Variants in ADGRF5 observed in about 807,000 individuals in gnomAD.
ADGRF5 encodes the protein adhesion G protein-coupled receptor F5.
A neutral mutation model predicts 132.3 loss-of-function variants in ADGRF5; 75 were observed. That is an observed-to-expected ratio of 0.57 (90% CI 0.47 to 0.69). The LOEUF (loss-of-function observed/expected upper bound fraction) is 0.69, where lower values mean the gene tolerates loss of function less well. Ranked by LOEUF, ADGRF5 falls within the 30% of genes least tolerant of loss-of-function variation. ADGRF5 has a pLI of 0.00. For synonymous variants in ADGRF5, 629 were observed against 597.6 expected, an observed-to-expected ratio of 1.05 and a Z score of -0.77; for missense variants, 1,516 against 1,630.6, an observed-to-expected ratio of 0.93 and a Z score of 1.21.
At chr6:46,936,846 G>T (rs1438015400) in intron 1 of ADGRF5, among the ~76,000 whole-genome samples, 2 of 152,152 alleles carry the variant, frequency 1.3e-5, no homozygotes, top group East Asian at 3.9e-4. Context: ...GGAGAGCTAG[G>T]CATTTTCTCC....
Position 46,853,358 on chromosome 6 carries a change from C to A in ADGRF5, c.*634G>T, listed in dbSNP as rs1768688673. The A allele has an allele frequency of 6.6e-6, 1 of 152,110 alleles. No homozygotes were observed. The allele number at this position is 152,110 out of a possible 1,614,324, so 9.4% of individuals were successfully genotyped here. A position where few individuals can be genotyped will look rare whatever the true frequency, so the allele number is the denominator to read the frequency against. ...TAGCTAAGAAGACATCAGGAAGATACTGCCCAAAGTATTCATTCCCCATGA... is the reference window on the plus strand; with the variant it reads ...TAGCTAAGAAGACATCAGGAAGATAATGCCCAAAGTATTCATTCCCCATGA... On this transcript the variant is annotated 3_prime_UTR_variant, in exon 21 of 21. Coordinates refer to ENST00000283296, the MANE Select transcript of ADGRF5 (RefSeq NM_001098518.2).
At chr6:46,908,506 C>T (rs1328957) in intron 1 of ADGRF5, among the ~76,000 whole-genome samples, 32,624 of 151,996 alleles carry the variant, frequency 0.21, 4,259 homozygotes, top group African/African-American at 0.37. Context: ...AGGAAGAACT[C>T]ACATACTAGA....
At chr6:46,899,582 A>G (rs1015117591) in intron 3 of ADGRF5, among the ~76,000 whole-genome samples, 6 of 152,088 alleles carry the variant, frequency 3.9e-5, no homozygotes, top group African/African-American at 1.4e-4. Flanking sequence ...GGAAAATTGG[A>G]GTGGGAAACA....
intron 1 of ADGRF5, among the ~76,000 whole-genome samples, chr6:46,942,619 G>A (rs1235200262): frequency 6.6e-6 from 1 of 152,206 alleles, no homozygotes; most frequent in Non-Finnish European, 1.5e-5. Flanking sequence ...CTCCATGCTA[G>A]GAAGAAAATG....
intron 1 of ADGRF5, among the ~76,000 whole-genome samples, chr6:46,907,148 T>C (rs536119817): frequency 6.6e-6 from 1 of 152,318 alleles, no homozygotes. Flanking sequence ...TATCATAGAG[T>C]ATCTTTCCAC....
chr6:46,905,083 A>AGGCAT (rs750609884), intron 2 of ADGRF5, among the ~76,000 whole-genome samples: 5 of 152,180 alleles, frequency 3.3e-5, no homozygotes, highest in Non-Finnish European at 7.4e-5. Context: ...CATAGAGAGA[A>AGGCAT]GGCATTGCTG....
At chr6:46,862,541 T>C in intron 15 of ADGRF5, among the ~76,000 whole-genome samples, 1 of 151,910 alleles carries the variant, frequency 6.6e-6, no homozygotes, top group East Asian at 1.9e-4. Flanking sequence ...TTATAGCAAT[T>C]TTCTTGGTAT....
At chr6:46,854,577 C>T (rs1215665074) in intron 20 of ADGRF5, 3 of 460,200 alleles carry the variant, frequency 6.5e-6, no homozygotes, top group Non-Finnish European at 1.3e-5. Context: ...GTCAACAGAA[C>T]TGCTGAGAAT....
chr6:46,953,649 GTGTATATATATATATATATA>G (rs1439388460), intron 1 of ADGRF5, among the ~76,000 whole-genome samples: 15 of 91,506 alleles, frequency 1.6e-4, no homozygotes, highest in African/African-American at 4.6e-4. Flanking sequence ...ATAGATATAT[GTGTATATATATATATATATA>G]TATATATATA....
chr6:46,855,452 T>A (rs1416500623), intron 20 of ADGRF5, among the ~76,000 whole-genome samples: 1 of 152,244 alleles, frequency 6.6e-6, no homozygotes, highest in Non-Finnish European at 1.5e-5. Flanking sequence ...AATAGCTAAC[T>A]TGGGTGATCC....
intron 12 of ADGRF5, among the ~76,000 whole-genome samples, chr6:46,867,435 A>C (rs1296665390): frequency 1.1e-4 from 16 of 152,304 alleles, no homozygotes. Context: ...CCAGGTTTTC[A>C]ATTTCTACTC....
At chr6:46,936,990 C>T (rs1208265822) in intron 1 of ADGRF5, among the ~76,000 whole-genome samples, 1 of 152,170 alleles carries the variant, frequency 6.6e-6, no homozygotes, top group Non-Finnish European at 1.5e-5. Flanking sequence ...TACCTCCCCA[C>T]CCTTCTTGAC....
chr6:46,901,511 T>A lies in ADGRF5; in HGVS notation c.103-1428A>T, dbSNP rs115810005. 6.0e-3 allele frequency among the ~76,000 whole-genome samples: 918 copies of A among 152,316 alleles called. 10 individuals carry two copies. The highest frequency in any genetic ancestry group is 0.021 in the African/African-American group (869 of 41,560). ...CACATCATCACAATGACAAACATAA[T>A]ACTTCCTAAGATGTATTTAACACCC... On this transcript the variant is annotated intron_variant, in intron 2 of 20. Coordinates refer to ENST00000283296, the MANE Select transcript of ADGRF5 (RefSeq NM_001098518.2).
At chr6:46,877,236 T>TTTCTTTCTTTCTTTCC (rs1771781322) in intron 10 of ADGRF5, among the ~76,000 whole-genome samples, 4 of 26,752 alleles carry the variant, frequency 1.5e-4, no homozygotes, top group African/African-American at 9.2e-4. Flanking sequence ...TCTTTCTTTC[T>TTTCTTTCTTTCTTTCC]TTCTTTCTTT....
chr6:46,922,795 A>G (rs1406142800), upstream of ADGRF5, among the ~76,000 whole-genome samples: 1 of 152,234 alleles, frequency 6.6e-6, no homozygotes, highest in Non-Finnish European at 1.5e-5. Flanking sequence ...CCATGCAGGT[A>G]GTCCCAAGAG....
intron 15 of ADGRF5, among the ~76,000 whole-genome samples, chr6:46,861,423 A>C (rs1255275775): frequency 2.6e-5 from 4 of 152,176 alleles, no homozygotes; most frequent in African/African-American, 9.7e-5. Flanking sequence ...GTATGATTAC[A>C]CTTCTGCTTT....
At chr6:46,906,932 A>C in intron 1 of ADGRF5, 146 bp from the exon 2 acceptor site, 1 of 626,758 alleles carries the variant, frequency 1.6e-6, no homozygotes, top group South Asian at 1.8e-5. Flanking sequence ...GAAGGAATCA[A>C]CTTAGCATTC....
In ADGRF5 at chr6:46,878,347, TA is replaced by T; in HGVS notation, c.1094del (p.Ile365LysfsTer14). The T allele has an allele frequency of 6.2e-7, 1 of 1,612,972 alleles. No individual in the cohort carries two copies. The highest frequency in any genetic ancestry group is 8.5e-7 in the Non-Finnish European group (1 of 1,178,964). On this transcript the variant is annotated frameshift_variant, in exon 10 of 21. Transcript: ENST00000283296. LOFTEE classifies it high-confidence loss of function. ...DIFEYECKKKIDVMPIQILAN... is the reference protein window; with the variant it reads ...DIFEYECKKKXDVMPIQILAN... ...CCAAAATTTGGATGGGCATAACATCTATTTTCTTCTTGCACTCATATTCAAA... is the reference window on the plus strand; with the variant it reads ...CCAAAATTTGGATGGGCATAACATCTTTTTCTTCTTGCACTCATATTCAAA...
chr6:46,915,693 G>A (rs1776361444), intron 1 of ADGRF5, among the ~76,000 whole-genome samples: 1 of 151,448 alleles, frequency 6.6e-6, no homozygotes, highest in Non-Finnish European at 1.5e-5. Context: ...CATATAATGT[G>A]TGTGCTATTC....
Sources: gnomAD v4.1 joint callset for allele counts (sites outside exome capture counted in the v4.1 genomes callset) on GRCh38, gnomAD v4.1.1 for gene constraint, MANE v1.5 for transcripts, NCBI Gene and HGNC (gene_info 2026-07-23, HGNC 2026-07-21) for gene names.